CRTAC1: variants seen among roughly 807,000 people sequenced by gnomAD.
CRTAC1 encodes the protein cartilage acidic protein 1.
Under a neutral mutation model 67.8 loss-of-function variants are expected in CRTAC1, and 37 were observed. The ratio of observed to expected loss-of-function variants is 0.55; its 90% confidence interval spans 0.42 to 0.72. The LOEUF (loss-of-function observed/expected upper bound fraction) is 0.72, where lower values mean the gene tolerates loss of function less well. Among genes scored for constraint, CRTAC1 ranks in the 30% least tolerant of loss-of-function variants. The pLI is 0.00. For synonymous variants in CRTAC1, 348 were observed against 371.0 expected (o/e 0.94, Z 0.71); for missense variants, 780 against 931.6 (o/e 0.84, Z 2.12).
At chr10:98,023,387 A>G (rs1042139950) in intron 1 of CRTAC1, among the ~76,000 whole-genome samples, 2 of 152,146 alleles carry the variant, frequency 1.3e-5, no homozygotes, top group African/African-American at 4.8e-5. Context: ...GGCCACCAAC[A>G]TTCACTTACT....
chr10:97,946,999 A>G (rs2051275070), intron 2 of CRTAC1, among the ~76,000 whole-genome samples: 1 of 152,188 alleles, frequency 6.6e-6, no homozygotes, highest in Non-Finnish European at 1.5e-5. Flanking sequence ...AAACACTTTA[A>G]ATATCTATTC....
chr10:97,952,092 C>T (rs34232437), intron 2 of CRTAC1, among the ~76,000 whole-genome samples: 2 of 152,168 alleles, frequency 1.3e-5, no homozygotes, highest in Non-Finnish European at 2.9e-5. Flanking sequence ...GTGGCCCACA[C>T]CTGTAATTCC....
intron 14 of CRTAC1, chr10:97,868,809 TCTGA>T (rs1036444937): frequency 6.6e-6 from 1 of 152,112 alleles, no homozygotes; most frequent in African/African-American, 2.4e-5. Flanking sequence ...TGGGTGCTTA[TCTGA>T]CTGAGAGGCA....
In CRTAC1 at chr10:98,011,127, G is replaced by A; in HGVS notation, c.224+11C>T. On this transcript the variant is annotated intron_variant, in intron 2 of 14. Coordinates refer to ENST00000370597, the MANE Select transcript of CRTAC1 (RefSeq NM_018058.7). ...TTAATATCTGTCACACTGAGGGTGG[G>A]AGGCACTTACCCCGCCACGACGATC... 6.2e-7 allele frequency: 1 copy of A among 1,612,168 alleles called. No homozygotes were observed. Among genetic ancestry groups the A allele is most frequent in the South Asian group, 1.1e-5 (1 of 91,024 alleles).
chr10:97,880,471 G>C (rs542401407), intron 13 of CRTAC1, 79 bp from the exon 14 acceptor site: 4 of 1,552,826 alleles, frequency 2.6e-6, no homozygotes, highest in Non-Finnish European at 3.5e-6. Context: ...CCTATACACT[G>C]TCTGGCTTTG....
chr10:97,946,157 T>C (rs982662567), intron 2 of CRTAC1, among the ~76,000 whole-genome samples: 15 of 152,200 alleles, frequency 9.9e-5, no homozygotes, highest in Admixed American at 8.5e-4. Flanking sequence ...GGAATTCCCA[T>C]AAACTGTCAA....
chr10:98,021,240 C>T (rs1436832559), intron 1 of CRTAC1, among the ~76,000 whole-genome samples: 2 of 152,168 alleles, frequency 1.3e-5, no homozygotes, highest in Admixed American at 6.5e-5. Context: ...CCCTACCCCC[C>T]AGAAGGTGGC....
intron 2 of CRTAC1, among the ~76,000 whole-genome samples, chr10:97,977,431 G>A (rs2051825478): frequency 6.6e-6 from 1 of 152,168 alleles, no homozygotes; most frequent in African/African-American, 2.4e-5. Flanking sequence ...ACCCAATGGG[G>A]CAGGACACTG....
At chr10:97,878,052 AG>A (rs143841509) in intron 14 of CRTAC1, among the ~76,000 whole-genome samples, 13 of 152,350 alleles carry the variant, frequency 8.5e-5, no homozygotes, top group Non-Finnish European at 1.3e-4. Context: ...TTTAAAAGGC[AG>A]CAGCTTCCAG....
At chr10:97,896,338 A>G (rs2050458717) in intron 9 of CRTAC1, among the ~76,000 whole-genome samples, 1 of 152,136 alleles carries the variant, frequency 6.6e-6, no homozygotes, top group Non-Finnish European at 1.5e-5. Context: ...AAGTGTTTGC[A>G]TATACATAGG....
intron 1 of CRTAC1, among the ~76,000 whole-genome samples, chr10:98,022,943 C>T (rs950146392): frequency 1.3e-5 from 2 of 152,044 alleles, no homozygotes; most frequent in South Asian, 4.1e-4. Context: ...TAATAGTTTA[C>T]GTGTCAAGTT....
chr10:98,001,929 G>A (rs112586087), intron 2 of CRTAC1, among the ~76,000 whole-genome samples: 3 of 152,346 alleles, frequency 2.0e-5, no homozygotes, highest in African/African-American at 4.8e-5. Context: ...GGAGGCTGGC[G>A]TCAGATCCGC....
At chr10:97,945,655 T>C (rs954945585) in intron 2 of CRTAC1, among the ~76,000 whole-genome samples, 9 of 152,074 alleles carry the variant, frequency 5.9e-5, no homozygotes. Flanking sequence ...AGGGAATAAA[T>C]TGGGTAAGGT....
At chr10:97,935,013 C>T (rs2051063469) in intron 3 of CRTAC1, among the ~76,000 whole-genome samples, 1 of 152,136 alleles carries the variant, frequency 6.6e-6, no homozygotes, top group Non-Finnish European at 1.5e-5. Flanking sequence ...GATCTACTGC[C>T]ACAAGAGCAC....
At chr10:97,936,471 G>A in intron 2 of CRTAC1, 105 bp from the exon 3 acceptor site, 1 of 889,880 alleles carries the variant, frequency 1.1e-6, no homozygotes, top group South Asian at 1.7e-5. Context: ...ACGCCATGGG[G>A]CAAGTCAGAC....
rs190860481 is a variant in CRTAC1 at position 97,966,733 on chromosome 10, T to C, written c.225-30367A>G. The stretch of plus-strand genomic sequence containing the variant: ...TCGCCATGACAGTTTCTCACTTTCC[T>C]TGGTCTTGATGACCTGGACAGCTTT... On this transcript the variant is annotated intron_variant, in intron 2 of 14. Coordinates refer to ENST00000370597, the MANE Select transcript of CRTAC1 (RefSeq NM_018058.7). 7.2e-4 allele frequency among the ~76,000 whole-genome samples: 109 copies of C among 152,316 alleles called. 1 individual carries two copies. Among genetic ancestry groups the C allele is most frequent in the East Asian group, 6.9e-3 (36 of 5,182 alleles).
At chr10:97,989,229 A>C (rs1842385414) in intron 2 of CRTAC1, among the ~76,000 whole-genome samples, 1 of 152,164 alleles carries the variant, frequency 6.6e-6, no homozygotes. Context: ...CCATAATCAC[A>C]TGCCGATTCC....
At chr10:97,966,509 A>G (rs181309746) in intron 2 of CRTAC1, among the ~76,000 whole-genome samples, 254 of 152,352 alleles carry the variant, frequency 1.7e-3, no homozygotes, top group Non-Finnish European at 2.9e-3. Context: ...TGCCCTGCCC[A>G]GTTTCCCCTA....
intron 8 of CRTAC1, 72 bp from the exon 9 acceptor site, chr10:97,897,063 A>G: frequency 1.8e-6 from 2 of 1,140,804 alleles, no homozygotes; most frequent in Admixed American, 4.3e-5. Context: ...CACCTGCTCC[A>G]TTCTGTCCCC....
Sources: allele counts gnomAD v4.1 joint callset (sites outside exome capture counted in the v4.1 genomes callset), GRCh38; gene constraint gnomAD v4.1.1; transcripts MANE v1.5; gene names NCBI Gene and HGNC (gene_info 2026-07-23, HGNC 2026-07-21).